Variants in ABCC4 observed in about 807,000 individuals in gnomAD.
ABCC4 encodes the protein ATP binding cassette subfamily C member 4 (PEL blood group), also known as ATP-binding cassette sub-family C member 4.
Under a neutral mutation model 168.5 loss-of-function variants are expected in ABCC4, and 102 were observed. The observed-to-expected ratio is 0.61, with a 90% CI of 0.52 to 0.71. ABCC4 has a LOEUF of 0.71. Among genes scored for constraint, ABCC4 ranks in the 30% least tolerant of loss-of-function variants. The probability of loss-of-function intolerance (pLI) is 0.00; values close to 1 mark genes in which losing one functional copy is unlikely to be tolerated. For synonymous variants in ABCC4, 617 were observed against 590.7 expected, an observed-to-expected ratio of 1.04 and a Z score of -0.65; for missense variants, 1,402 against 1,605.8, an observed-to-expected ratio of 0.87 and a Z score of 2.17.
At chr13:95,239,880 TA>T (rs2039882278) in intron 3 of ABCC4, among the ~76,000 whole-genome samples, 2 of 152,212 alleles carry the variant, frequency 1.3e-5, no homozygotes, top group African/African-American at 2.4e-5. Context: ...TTTCAGCTAA[TA>T]AATGAGGAAC....
intron 25 of ABCC4, among the ~76,000 whole-genome samples, chr13:95,063,090 A>G (rs74105411): frequency 0.02 from 3,056 of 152,244 alleles, 90 homozygotes; most frequent in African/African-American, 0.068. Context: ...CCTGGACCCT[A>G]CTGCATAGAT....
intron 9 of ABCC4, among the ~76,000 whole-genome samples, chr13:95,193,310 G>T (rs2038316549): frequency 6.6e-6 from 1 of 152,196 alleles, no homozygotes; most frequent in African/African-American, 2.4e-5. Context: ...GGAGGAGCTG[G>T]TCACCACCAG....
intron 14 of ABCC4, among the ~76,000 whole-genome samples, chr13:95,169,577 C>T (rs1042784026): frequency 4.6e-5 from 7 of 152,144 alleles, no homozygotes; most frequent in African/African-American, 1.7e-4. Context: ...ATGCCCTCCC[C>T]AGGTGACCGC....
chr13:95,052,784 T>G lies in ABCC4; in HGVS notation c.3456+311A>C, dbSNP rs554952028. ...GTAAAATAAATGGTGCAGAGTAACT[T>G]AGTCACTAATAGGATCTCAACTCAT... On this transcript the variant is annotated intron_variant, in intron 27 of 30. Coordinates refer to ENST00000645237, the MANE Select transcript of ABCC4 (RefSeq NM_005845.5). Among the ~76,000 whole-genome samples the G allele has an allele frequency of 3.9e-5, 6 of 152,354 alleles. No individual in the cohort carries two copies. The South Asian group carries it at 6.2e-4, about 16-fold the overall frequency.
chr13:95,274,750 C>T (rs566580815), intron 1 of ABCC4, among the ~76,000 whole-genome samples: 114 of 152,306 alleles, frequency 7.5e-4, no homozygotes, highest in African/African-American at 2.4e-3. Context: ...CTGCCTCCTC[C>T]TGTGGCCACA....
At chr13:95,248,322 A>G (rs944763513) in intron 1 of ABCC4, among the ~76,000 whole-genome samples, 1 of 152,246 alleles carries the variant, frequency 6.6e-6, no homozygotes, top group African/African-American at 2.4e-5. Flanking sequence ...ACTCTCAGAT[A>G]AAGAATGATG....
intron 27 of ABCC4, among the ~76,000 whole-genome samples, chr13:95,051,768 G>T (rs943925609): frequency 2.6e-5 from 4 of 152,072 alleles, no homozygotes; most frequent in Non-Finnish European, 5.9e-5. Context: ...CCAGGTTCAA[G>T]CAATTCTCCT....
At chr13:95,102,153 T>C (rs2034831681) in intron 20 of ABCC4, among the ~76,000 whole-genome samples, 1 of 152,184 alleles carries the variant, frequency 6.6e-6, no homozygotes, top group Non-Finnish European at 1.5e-5. Context: ...TATTATTTTT[T>C]GGTTCTTTTG....
intron 1 of ABCC4, among the ~76,000 whole-genome samples, chr13:95,273,723 G>C (rs1319895521): frequency 1.3e-5 from 2 of 151,862 alleles, no homozygotes; most frequent in East Asian, 3.9e-4. Context: ...GATCCAATGG[G>C]AGATAATTGA....
chr13:95,096,120 G>A, intron 20 of ABCC4: 2 of 613,992 alleles, frequency 3.3e-6, no homozygotes, highest in East Asian at 3.1e-5. Context: ...GAGGAGGGAG[G>A]AGGATTGCTT....
intron 7 of ABCC4, among the ~76,000 whole-genome samples, chr13:95,207,428 T>C (rs990323441): frequency 3.3e-5 from 5 of 152,230 alleles, no homozygotes; most frequent in South Asian, 2.1e-4. Context: ...AATATAGATA[T>C]GCCCAGTCTC....
chr13:95,206,512 A>G lies in ABCC4; in HGVS notation c.1161+20T>C. On this transcript the variant is annotated intron_variant, in intron 8 of 30. Transcript: ENST00000645237. ...TACTTCAAATGCACCTACAACTTTA[A>G]AATGGCATCTGACACCAACCTGGAT... 6.2e-7 allele frequency: 1 copy of G among 1,608,206 alleles called. No individual in the cohort carries two copies.
At chr13:95,185,723 AT>A (rs1242000626) in intron 11 of ABCC4, among the ~76,000 whole-genome samples, 1 of 151,010 alleles carries the variant, frequency 6.6e-6, no homozygotes, top group African/African-American at 2.5e-5. Context: ...AGTATTTACC[AT>A]TTTTTCTATC....
chr13:95,023,256 T>G (rs2031199710), intron 30 of ABCC4, among the ~76,000 whole-genome samples: 1 of 152,200 alleles, frequency 6.6e-6, no homozygotes, highest in South Asian at 2.1e-4. Context: ...ATTAGCAACT[T>G]TAAACCCAAA....
At chr13:95,113,433 T>C (rs1252954193) in intron 20 of ABCC4, among the ~76,000 whole-genome samples, 5 of 152,164 alleles carry the variant, frequency 3.3e-5, no homozygotes, top group Non-Finnish European at 7.3e-5. Flanking sequence ...GAATATAATG[T>C]ATTTGATTTG....
Position 95,064,252 on chromosome 13 carries a change from GTGTGTGTGTATA to G in ABCC4, c.3211-1405_3211-1394del, listed in dbSNP as rs1415979307. On this transcript the variant is annotated intron_variant, in intron 25 of 30. Transcript: ENST00000645237. ...TGCACATAGGTACATCCGGGTGTGT[GTGTGTGTGTATA>G]TATATATATATATATATATATATAT... Among the ~76,000 whole-genome samples, 647 of 118,144 alleles carry G rather than the reference GTGTGTGTGTATA, an allele frequency of 5.5e-3. 10 individuals are homozygous for G. The highest frequency in any genetic ancestry group is 6.7e-3 in the African/African-American group (206 of 30,544). The allele number at this position is 118,144 out of a possible 152,430, so 77.5% of individuals were successfully genotyped here. A position where few individuals can be genotyped will look rare whatever the true frequency, so the allele number is the denominator to read the frequency against.
intron 2 of ABCC4, among the ~76,000 whole-genome samples, chr13:95,247,379 C>A (rs2040133656): frequency 6.6e-6 from 1 of 152,276 alleles, no homozygotes; most frequent in East Asian, 1.9e-4. Flanking sequence ...CTCCTCCAAC[C>A]ACAACACTTC....
chr13:95,089,542 C>T (rs572382912), intron 20 of ABCC4, among the ~76,000 whole-genome samples: 16 of 152,188 alleles, frequency 1.1e-4, no homozygotes, highest in African/African-American at 3.9e-4. Context: ...CACTTGCAAC[C>T]GGAAGCTGAG....
chr13:95,058,579 A>AAAAAAG (rs1364485580), intron 26 of ABCC4, among the ~76,000 whole-genome samples: 2 of 68,474 alleles, frequency 2.9e-5, no homozygotes, highest in East Asian at 7.5e-4. Flanking sequence ...AAAAAAAAAA[A>AAAAAAG]AAAAAAAAAA....
Sources: gnomAD v4.1 joint callset for allele counts (sites outside exome capture counted in the v4.1 genomes callset) on GRCh38, gnomAD v4.1.1 for gene constraint, MANE v1.5 for transcripts, NCBI Gene and HGNC (gene_info 2026-07-23, HGNC 2026-07-21) for gene names.